PITPNC1: variants seen among roughly 807,000 people sequenced by gnomAD.
PITPNC1 encodes the protein cytoplasmic phosphatidylinositol transfer protein 1.
PITPNC1 carries 18 observed loss-of-function variants against 44.7 expected under a neutral mutation model. That is an observed-to-expected ratio of 0.40 (90% CI 0.28 to 0.60). The LOEUF (loss-of-function observed/expected upper bound fraction) is 0.60. PITPNC1 is among the 20% of genes least tolerant of loss of function. The probability of loss-of-function intolerance (pLI) is 0.39; values close to 1 mark genes in which losing one functional copy is unlikely to be tolerated. For synonymous variants in PITPNC1, 141 were observed against 149.6 expected, an observed-to-expected ratio of 0.94 and a Z score of 0.42; for missense variants, 290 against 418.4, an observed-to-expected ratio of 0.69 and a Z score of 2.68.
At chr17:67,633,226 C>T (rs2041992567) in intron 6 of PITPNC1, among the ~76,000 whole-genome samples, 1 of 152,194 alleles carries the variant, frequency 6.6e-6, no homozygotes, top group Non-Finnish European at 1.5e-5. Flanking sequence ...TGTTTGGAAT[C>T]AGGGCCCCAG....
At chr17:67,424,085 C>CAA (rs71139144) in intron 1 of PITPNC1, among the ~76,000 whole-genome samples, 16,522 of 75,302 alleles carry the variant, frequency 0.22, 2,006 homozygotes, top group South Asian at 0.24. Context: ...GAGACTGTCT[C>CAA]AAAAAAAAAA....
intron 1 of PITPNC1, chr17:67,471,542 CA>C (rs1332435840): frequency 1.9e-5 from 7 of 374,686 alleles, no homozygotes; most frequent in Middle Eastern, 7.7e-4. Context: ...CTTTCAATGG[CA>C]AAAACCACAA....
chr17:67,503,205 A>G lies in PITPNC1; in HGVS notation c.49-29597A>G, dbSNP rs146013406. The stretch of plus-strand genomic sequence containing the variant: ...CAAAATAAAAGAAGTAGATTTATTG[A>G]GAAGTAAGTCTACAGGTTGTACTGG... On this transcript the variant is annotated intron_variant, in intron 1 of 8. Coordinates refer to ENST00000581322, the MANE Select transcript of PITPNC1 (RefSeq NM_012417.4). 5.1e-3 allele frequency among the ~76,000 whole-genome samples: 719 copies of G among 141,220 alleles called. 8 individuals are homozygous for G. The highest frequency in any genetic ancestry group is 0.017 in the African/African-American group (649 of 38,062). 92.6% of individuals were successfully genotyped at this position (141,220 alleles called of 152,430 possible). A position where few individuals can be genotyped will look rare whatever the true frequency, so the allele number is the denominator to read the frequency against.
rs1263776346 is a variant in PITPNC1, at chr17:67,692,964, GA to G, written c.*81del. On this transcript the variant is annotated 3_prime_UTR_variant, in exon 9 of 9. Transcript: ENST00000581322. ...TTTTTTTTAAGAATCTTCTGATAGA[GA>G]AAAAGACTGCTTTGTCACTCAAACA... 3 of 926,276 alleles carry G rather than the reference GA, an allele frequency of 3.2e-6. No homozygotes were observed. The African/African-American group carries it at 5.0e-5, about 15-fold the overall frequency. The allele number at this position is 926,276 out of a possible 1,614,324, so 57.4% of individuals were successfully genotyped here. A position where few individuals can be genotyped will look rare whatever the true frequency, so the allele number is the denominator to read the frequency against.
intron 4 of PITPNC1, among the ~76,000 whole-genome samples, chr17:67,574,521 G>A (rs1231099824): frequency 6.6e-6 from 1 of 152,176 alleles, no homozygotes; most frequent in Non-Finnish European, 1.5e-5. Flanking sequence ...ATGTAGGATA[G>A]ATCAGTGGAT....
intron 5 of PITPNC1, 64 bp downstream of exon 5, chr17:67,578,321 A>C: frequency 4.5e-6 from 5 of 1,109,018 alleles, no homozygotes; most frequent in Non-Finnish European, 6.8e-6. Context: ...AGCACTTCTC[A>C]CAGCCCCTCT....
intron 1 of PITPNC1, among the ~76,000 whole-genome samples, chr17:67,391,139 C>T (rs1370724885): frequency 6.9e-6 from 1 of 144,230 alleles, no homozygotes; most frequent in African/African-American, 2.7e-5. Context: ...CCTGTTTATT[C>T]CTGAGCAAAG....
At chr17:67,664,926 A>G (rs1470930477) in intron 6 of PITPNC1, among the ~76,000 whole-genome samples, 1 of 151,928 alleles carries the variant, frequency 6.6e-6, no homozygotes, top group East Asian at 1.9e-4. Context: ...AAAAAGAAGA[A>G]GAAGACTTTG....
chr17:67,555,130 G>A (rs1343960133), intron 4 of PITPNC1, among the ~76,000 whole-genome samples: 1 of 152,082 alleles, frequency 6.6e-6, no homozygotes, highest in Non-Finnish European at 1.5e-5. Context: ...TTAGAAGCAG[G>A]GGAACCTTTG....
intron 1 of PITPNC1, among the ~76,000 whole-genome samples, chr17:67,388,261 C>A (rs577983541): frequency 6.6e-6 from 1 of 151,880 alleles, no homozygotes; most frequent in Non-Finnish European, 1.5e-5. Context: ...GGAGTTATTG[C>A]CGTCAGACTG....
intron 1 of PITPNC1, among the ~76,000 whole-genome samples, chr17:67,461,356 T>C (rs2039335227): frequency 6.6e-6 from 1 of 152,246 alleles, no homozygotes; most frequent in Admixed American, 6.5e-5. Flanking sequence ...GGGACAATAG[T>C]ACAGCTTCGG....
At chr17:67,404,001 G>C (rs530185055) in intron 1 of PITPNC1, among the ~76,000 whole-genome samples, 1 of 152,160 alleles carries the variant, frequency 6.6e-6, no homozygotes, top group Admixed American at 6.6e-5. Flanking sequence ...CAGCCTGGGC[G>C]ACTGAGCCAG....
At chr17:67,601,815 T>C (rs2041544289) in intron 5 of PITPNC1, among the ~76,000 whole-genome samples, 1 of 151,466 alleles carries the variant, frequency 6.6e-6, no homozygotes. Flanking sequence ...AGCCAGAAAG[T>C]GAATGGTCTT....
intron 6 of PITPNC1, among the ~76,000 whole-genome samples, chr17:67,648,841 A>G (rs1481295172): frequency 2.0e-5 from 3 of 152,048 alleles, no homozygotes; most frequent in Non-Finnish European, 4.4e-5. Context: ...AGAATCAACT[A>G]CAGTAGCTGG....
intron 5 of PITPNC1, among the ~76,000 whole-genome samples, chr17:67,618,134 G>T (rs529022599): frequency 3.2e-4 from 49 of 152,170 alleles, no homozygotes; most frequent in Admixed American, 4.6e-4. Flanking sequence ...ACCAAGGCGG[G>T]GGGTGGATCA....
At chr17:67,433,031 C>T (rs960903253) in intron 1 of PITPNC1, among the ~76,000 whole-genome samples, 4 of 151,982 alleles carry the variant, frequency 2.6e-5, no homozygotes, top group Non-Finnish European at 5.9e-5. Context: ...ATAGGGACAG[C>T]GAGTGGGGGT....
At position 67,412,617 on chromosome 17, in the gene PITPNC1, AG is replaced by A. The variant is rs370589676; in HGVS notation, c.48+34416del. Among the ~76,000 whole-genome samples, 991 of 151,870 alleles carry A rather than the reference AG, an allele frequency of 6.5e-3. 11 individuals are homozygous for A. The highest frequency in any genetic ancestry group is 0.022 in the African/African-American group (899 of 41,438). On this transcript the variant is annotated intron_variant, in intron 1 of 8. Transcript: ENST00000581322. Reference sequence around the variant, plus strand: ...GTTTCGCTCTTGTTGTCCATGCTGGAGTGCAGTGGTGTGATCTCCGCTCACT... The same window carrying A: ...GTTTCGCTCTTGTTGTCCATGCTGGATGCAGTGGTGTGATCTCCGCTCACT...
At chr17:67,687,018 A>C in intron 8 of PITPNC1, 2 of 1,045,760 alleles carry the variant, frequency 1.9e-6, no homozygotes, top group Non-Finnish European at 3.0e-6. Flanking sequence ...TCCCCATTGA[A>C]AGTTTGCATC....
At chr17:67,445,606 ACCTGCACCAACTAC>A (rs939643608) in intron 1 of PITPNC1, among the ~76,000 whole-genome samples, 2 of 152,052 alleles carry the variant, frequency 1.3e-5, no homozygotes, top group African/African-American at 2.4e-5. Context: ...AGAAACTGTT[ACCTGCACCAACTAC>A]CAGGCATTCG....
Sources: allele counts gnomAD v4.1 joint callset (sites outside exome capture counted in the v4.1 genomes callset), GRCh38; gene constraint gnomAD v4.1.1; transcripts MANE v1.5; gene names NCBI Gene and HGNC (gene_info 2026-07-23, HGNC 2026-07-21).